The following MTCL1 variants were observed in gnomAD, a reference collection of about 807,000 sequenced individuals.
MTCL1 encodes microtubule cross-linking factor 1.
A neutral mutation model predicts 141.4 loss-of-function variants in MTCL1; 79 were observed. The observed-to-expected ratio is 0.56, with a 90% confidence interval of 0.47 to 0.67. The LOEUF is 0.67. Among genes scored for constraint, MTCL1 ranks in the 30% least tolerant of loss-of-function variants. The pLI, the probability that MTCL1 is intolerant of heterozygous loss-of-function variation, is 0.00. For synonymous variants in MTCL1, 914 were observed against 875.8 expected (o/e 1.04, Z -0.77); for missense variants, 2,177 against 2,113.9 (o/e 1.03, Z -0.59).
chr18:8,812,328 C>T (rs751566565), intron 11 of MTCL1, among the ~76,000 whole-genome samples: 2 of 151,636 alleles, frequency 1.3e-5, no homozygotes, highest in Non-Finnish European at 2.9e-5. Flanking sequence ...AAAGTGTTTT[C>T]CTTCTTTTTT....
At chr18:8,723,176 C>T (rs1182494533) in intron 4 of MTCL1, among the ~76,000 whole-genome samples, 1 of 152,172 alleles carries the variant, frequency 6.6e-6, no homozygotes, top group Non-Finnish European at 1.5e-5. Context: ...ATAGAACCGA[C>T]AGGAGTCCCA....
At chr18:8,772,347 C>T (rs2096488298) in intron 4 of MTCL1, among the ~76,000 whole-genome samples, 1 of 152,194 alleles carries the variant, frequency 6.6e-6, no homozygotes, top group Admixed American at 6.5e-5. Flanking sequence ...ATTGTCATTG[C>T]AATCCCACAT....
chr18:8,829,978 A>G (rs986520765), intron 16 of MTCL1: 1 of 985,504 alleles, frequency 1.0e-6, no homozygotes, highest in Non-Finnish European at 1.2e-6. Context: ...AGCACCAGCC[A>G]GGCGGAACGG....
chr18:8,803,193 G>A (rs961960476), intron 10 of MTCL1, among the ~76,000 whole-genome samples: 1 of 151,466 alleles, frequency 6.6e-6, no homozygotes, highest in South Asian at 2.1e-4. Flanking sequence ...AAAGAAAAAG[G>A]CTTGGCAGGG....
chr18:8,748,955 C>T (rs541438986), intron 4 of MTCL1, among the ~76,000 whole-genome samples: 3 of 152,154 alleles, frequency 2.0e-5, no homozygotes, highest in Non-Finnish European at 4.4e-5. Context: ...TGCACAAGGA[C>T]AGATGGGGTG....
exon 15 of MTCL1, chr18:8,824,876 G>A: frequency 6.2e-7 from 1 of 1,614,038 alleles, no homozygotes; most frequent in South Asian, 1.1e-5. Context: ...CACCCAACAG[G>A]GGCCACAATG....
intron 4 of MTCL1, among the ~76,000 whole-genome samples, chr18:8,772,179 G>A (rs944490294): frequency 1.3e-5 from 2 of 152,234 alleles, no homozygotes; most frequent in African/African-American, 2.4e-5. Flanking sequence ...GTTGTGTAAT[G>A]CAGTGGGATA....
chr18:8,772,638 TTAACA>T (rs1186599370), intron 4 of MTCL1, among the ~76,000 whole-genome samples: 4 of 150,814 alleles, frequency 2.7e-5, no homozygotes, highest in Non-Finnish European at 5.9e-5. Context: ...AATATGTATG[TTAACA>T]TAAACATACA....
intron 16 of MTCL1, chr18:8,829,363 C>T: frequency 1.0e-6 from 1 of 985,408 alleles, no homozygotes; most frequent in Non-Finnish European, 1.2e-6. Context: ...TATACGTGCA[C>T]TGGCATGTGC....
At chr18:8,796,547 C>G in intron 9 of MTCL1, 85 bp downstream of exon 8, 1 of 1,260,126 alleles carries the variant, frequency 7.9e-7, no homozygotes, top group Non-Finnish European at 1.1e-6. Flanking sequence ...ACCCTACACA[C>G]AGTCATGTTC....
chr18:8,776,164 G>C (rs2096507547), intron 4 of MTCL1, among the ~76,000 whole-genome samples: 1 of 152,196 alleles, frequency 6.6e-6, no homozygotes, highest in African/African-American at 2.4e-5. Context: ...GGACCCCGAG[G>C]TGGAACTGCA....
At chr18:8,812,803 G>C (rs572591276) in intron 11 of MTCL1, 176 bp from the exon 11 acceptor site, 46 of 735,754 alleles carry the variant, frequency 6.3e-5, no homozygotes, top group African/African-American at 5.7e-4. Flanking sequence ...CATTCTTTGT[G>C]ACTGTGTCAA....
At chr18:8,707,663 G>GT (rs1357793189) in intron 1 of MTCL1, 2 of 152,480 alleles carry the variant, frequency 1.3e-5, no homozygotes, top group Admixed American at 1.3e-4. Context: ...ATCAATCTGT[G>GT]TATCTGTTAA....
intron 4 of MTCL1, among the ~76,000 whole-genome samples, chr18:8,748,874 G>A (rs1023170005): frequency 4.6e-5 from 7 of 152,098 alleles, no homozygotes; most frequent in African/African-American, 1.7e-4. Context: ...TTATGTTCAG[G>A]TGATCACAGC....
At chr18:8,733,359 T>C (rs993525228) in intron 4 of MTCL1, among the ~76,000 whole-genome samples, 3 of 152,200 alleles carry the variant, frequency 2.0e-5, no homozygotes, top group East Asian at 1.9e-4. Context: ...GAAGATGATA[T>C]GGTTTTTCAC....
At position 8,819,707 on chromosome 18, in the gene MTCL1, A is replaced by C. The variant is rs188757874; in HGVS notation, c.3156+448A>C. Among the ~76,000 whole-genome samples, 788 of 152,024 alleles carry C rather than the reference A, an allele frequency of 5.2e-3. 7 individuals are homozygous for C. The highest frequency in any genetic ancestry group is 9.0e-3 in the Non-Finnish European group (609 of 67,990). ...AGCCGTGACCTCCTAGGCTCAATTG[A>C]TCCTTCCCCCTCAGCCTCCTGAGTA... On this transcript the variant is annotated intron_variant, in intron 13 of 16. Transcript: ENST00000359865.
rs145826014 is a variant in MTCL1, at chr18:8,735,070, A to G, written c.357+14574A>G. Among the ~76,000 whole-genome samples, 283 of 152,348 alleles carry G rather than the reference A, an allele frequency of 1.9e-3. 1 individual carries two copies. Among genetic ancestry groups the G allele is most frequent in the African/African-American group, 6.0e-3 (250 of 41,572 alleles). ...TCTGTCCATCAAAGCCAAGGCCCCA[A>G]TTTAGCTAGGATATATAATTACTCT... is the stretch of plus-strand genomic sequence containing the variant. On this transcript the variant is annotated intron_variant, in intron 4 of 16. Coordinates refer to ENST00000359865, the Ensembl canonical transcript of MTCL1.
upstream of MTCL1, among the ~76,000 whole-genome samples, chr18:8,714,385 TATAAG>T (rs1479330473): frequency 6.6e-6 from 1 of 152,318 alleles, no homozygotes; most frequent in East Asian, 1.9e-4. Context: ...AAATATGAAT[TATAAG>T]AGCAGTGATT....
chr18:8,736,980 A>G (rs1392771188), intron 4 of MTCL1, among the ~76,000 whole-genome samples: 1 of 152,120 alleles, frequency 6.6e-6, no homozygotes, highest in Non-Finnish European at 1.5e-5. Context: ...AAGCCCTATT[A>G]TGCAAATATT....
Sources: gnomAD v4.1 joint callset for allele counts (sites outside exome capture counted in the v4.1 genomes callset) on GRCh38, gnomAD v4.1.1 for gene constraint, MANE v1.5 for transcripts, NCBI Gene and HGNC (gene_info 2026-07-23, HGNC 2026-07-21) for gene names.